Variants in TRAF3IP2 observed in about 807,000 individuals in gnomAD.
TRAF3IP2 encodes E3 ubiquitin ligase TRAF3IP2.
A neutral mutation model predicts 57.9 loss-of-function variants in TRAF3IP2; 35 were observed. The ratio of observed to expected loss-of-function variants is 0.60; its 90% CI spans 0.46 to 0.80. TRAF3IP2 has a LOEUF of 0.80. Among genes scored for constraint, TRAF3IP2 ranks in the 30% least tolerant of loss-of-function variants. The pLI is 0.00. For missense variants in TRAF3IP2, 556 were observed against 706.4 expected, an observed-to-expected ratio of 0.79 and a Z score of 2.41; for synonymous variants, 251 against 268.9, an observed-to-expected ratio of 0.93 and a Z score of 0.65.
intron 2 of TRAF3IP2, chr6:111,587,001 G>A (rs1011234535): frequency 3.3e-5 from 5 of 151,998 alleles, no homozygotes; most frequent in African/African-American, 7.3e-5. Context: ...AGCAACCTTC[G>A]TGGGACTCAT....
In TRAF3IP2 at chr6:111,555,750, A is replaced by G. The variant is rs370720926; in HGVS notation, c.*3655T>C. Among the ~76,000 whole-genome samples the G allele has an allele frequency of 9.6e-4, 146 of 152,354 alleles. 1 individual carries two copies. The South Asian group carries it at 0.023, about 24-fold the overall frequency. ...TAAAGATGAATGCCTGAGGACCAGC[A>G]TAACATCTAAATCAACCGAGTGTTA... On this transcript the variant is annotated 3_prime_UTR_variant, in exon 9 of 9. Coordinates refer to ENST00000368761, the MANE Select transcript of TRAF3IP2 (RefSeq NM_147686.4).
chr6:111,594,479 G>GAAA, intron 1 of TRAF3IP2: 1 of 442,864 alleles, frequency 2.3e-6, no homozygotes, highest in Non-Finnish European at 4.5e-6. Flanking sequence ...TCTACCTAAA[G>GAAA]AAAAAAAAAG....
chr6:111,581,597 G>A (rs1027539151), intron 2 of TRAF3IP2, among the ~76,000 whole-genome samples: 2 of 152,070 alleles, frequency 1.3e-5, no homozygotes, highest in Non-Finnish European at 2.9e-5. Context: ...TACATATATG[G>A]ATGTACAGCA....
intron 7 of TRAF3IP2, among the ~76,000 whole-genome samples, chr6:111,563,798 A>C (rs1374268189): frequency 1.3e-5 from 2 of 152,176 alleles, no homozygotes; most frequent in Non-Finnish European, 2.9e-5. Flanking sequence ...GGGGATGTCA[A>C]TTGCGAAGAG....
At chr6:111,585,096 G>C (rs1796285312) in intron 2 of TRAF3IP2, among the ~76,000 whole-genome samples, 1 of 152,164 alleles carries the variant, frequency 6.6e-6, no homozygotes. Context: ...TCTACTTAAA[G>C]AGATTCTCTG....
intron 3 of TRAF3IP2, among the ~76,000 whole-genome samples, chr6:111,577,714 T>C (rs1796032540): frequency 6.7e-6 from 1 of 150,352 alleles, no homozygotes; most frequent in Non-Finnish European, 1.5e-5. Context: ...TGTGTTTTGT[T>C]TGTTTTTTAG....
At chr6:111,561,874 T>C (rs764504679) in intron 8 of TRAF3IP2, among the ~76,000 whole-genome samples, 65 of 152,216 alleles carry the variant, frequency 4.3e-4, no homozygotes, top group Non-Finnish European at 8.7e-4. Context: ...AGGAGACTCA[T>C]CAGTAAGTGA....
chr6:111,586,550 A>T (rs1796343948), intron 2 of TRAF3IP2, among the ~76,000 whole-genome samples: 1 of 151,588 alleles, frequency 6.6e-6, no homozygotes, highest in South Asian at 2.1e-4. Context: ...TTTTTTTTAC[A>T]TGAAAGGGGC....
chr6:111,563,078 G>A, intron 7 of TRAF3IP2, 39 bp from the exon 8 acceptor site: 1 of 1,479,778 alleles, frequency 6.8e-7, no homozygotes, highest in South Asian at 1.2e-5. Context: ...TTTCAGGAAT[G>A]AGGATGAGGA....
At position 111,555,843 on chromosome 6, in the gene TRAF3IP2, C is replaced by G. The variant is rs1334350148; in HGVS notation, c.*3562G>C. On this transcript the variant is annotated 3_prime_UTR_variant, in exon 9 of 9. Transcript: ENST00000368761. ...GATGGGCCGGGCGTGGTGGCTCATG[C>G]CTGTAATCCCAGCAATTTGGGAGGC... Among the ~76,000 whole-genome samples the G allele has an allele frequency of 6.6e-6, 1 of 152,304 alleles. No homozygotes were observed. Among genetic ancestry groups the G allele is most frequent in the Admixed American group, 6.5e-5 (1 of 15,298 alleles).
rs10484479 is a variant in TRAF3IP2, at chr6:111,555,782, T to C, written c.*3623A>G. 0.082 allele frequency among the ~76,000 whole-genome samples: 12,467 copies of C among 152,228 alleles called. 743 individuals carry two copies. Among genetic ancestry groups the C allele is most frequent in the Middle Eastern group, 0.11 (32 of 292 alleles). On this transcript the variant is annotated 3_prime_UTR_variant, in exon 9 of 9. Coordinates refer to ENST00000368761, the MANE Select transcript of TRAF3IP2 (RefSeq NM_147686.4). ...CTAAATCAACCGAGTGTTAATCTTA[T>C]TGTCAGTGCTCTCAAATAGTTGTTA...
chr6:111,593,511 A>T (rs1319064949), intron 1 of TRAF3IP2, among the ~76,000 whole-genome samples: 1 of 152,334 alleles, frequency 6.6e-6, no homozygotes, highest in East Asian at 1.9e-4. Context: ...AACAGCCTAC[A>T]GAAAGATACC....
chr6:111,569,030 T>C (rs1391080696), intron 5 of TRAF3IP2, among the ~76,000 whole-genome samples: 1 of 152,252 alleles, frequency 6.6e-6, no homozygotes, highest in African/African-American at 2.4e-5. Context: ...AAAGAGACCA[T>C]GCCCTGTGTA....
intron 5 of TRAF3IP2, among the ~76,000 whole-genome samples, chr6:111,568,756 C>T (rs1355398540): frequency 6.6e-6 from 1 of 152,088 alleles, no homozygotes; most frequent in East Asian, 1.9e-4. Flanking sequence ...GATCCAGCCT[C>T]GCCTCTCTTT....
rs938543847 is a variant in TRAF3IP2 at position 111,555,842 on chromosome 6, G to C, written c.*3563C>G. ...TGATGGGCCGGGCGTGGTGGCTCAT[G>C]CCTGTAATCCCAGCAATTTGGGAGG... On this transcript the variant is annotated 3_prime_UTR_variant, in exon 9 of 9. Coordinates refer to ENST00000368761, the MANE Select transcript of TRAF3IP2 (RefSeq NM_147686.4). 6.6e-6 allele frequency among the ~76,000 whole-genome samples: 1 copy of C among 152,196 alleles called. No homozygotes were observed. Among genetic ancestry groups the C allele is most frequent in the Non-Finnish European group, 1.5e-5 (1 of 68,028 alleles).
At chr6:111,595,038 C>A (rs537388351) in intron 1 of TRAF3IP2, among the ~76,000 whole-genome samples, 3 of 152,226 alleles carry the variant, frequency 2.0e-5, no homozygotes, top group Non-Finnish European at 4.4e-5. Flanking sequence ...TCAAGACTAG[C>A]CTGGCCAACA....
chr6:111,580,061 A>G, intron 3 of TRAF3IP2, 136 bp downstream of exon 3: 2 of 1,001,820 alleles, frequency 2.0e-6, no homozygotes, highest in South Asian at 1.7e-5. Context: ...AAAAGTCTAT[A>G]TTGGGCATTC....
At chr6:111,562,864 A>T in intron 8 of TRAF3IP2, 101 bp downstream of exon 8, 1 of 953,262 alleles carries the variant, frequency 1.0e-6, no homozygotes, top group Non-Finnish European at 1.5e-6. Context: ...AAAAAAGAAA[A>T]GAAAGAAAAA....
At chr6:111,590,716 C>T (rs1437759737) in intron 2 of TRAF3IP2, among the ~76,000 whole-genome samples, 1 of 152,060 alleles carries the variant, frequency 6.6e-6, no homozygotes, top group Non-Finnish European at 1.5e-5. Flanking sequence ...GTGGATGGCT[C>T]AAGTGTCCAA....
Sources: gnomAD v4.1 joint callset for allele counts (sites outside exome capture counted in the v4.1 genomes callset) on GRCh38, gnomAD v4.1.1 for gene constraint, MANE v1.5 for transcripts, NCBI Gene and HGNC (gene_info 2026-07-23, HGNC 2026-07-21) for gene names.